SNX7: variants seen among roughly 807,000 people sequenced by gnomAD.
SNX7 encodes the protein sorting nexin 7.
A neutral mutation model predicts 48.4 loss-of-function variants in SNX7; 35 were observed. That is an observed-to-expected ratio of 0.72 (90% CI 0.55 to 0.96). The LOEUF is 0.96. Among genes scored for constraint, SNX7 ranks in the 40% least tolerant of loss-of-function variants. The probability of loss-of-function intolerance (pLI) is 0.00; values close to 1 mark genes in which losing one functional copy is unlikely to be tolerated. For missense variants in SNX7, 553 were observed against 548.9 expected (o/e 1.01, Z -0.07); for synonymous variants, 190 against 190.2 (o/e 1.00, Z 0.01).
At chr1:98,661,552 A>C, upstream of SNX7, 1 of 420,258 alleles carries the variant, frequency 2.4e-6, no homozygotes, top group Non-Finnish European at 3.7e-6. Flanking sequence ...GCCCCAGGCC[A>C]GGTGGGGATG....
intron 4 of SNX7, among the ~76,000 whole-genome samples, chr1:98,693,199 T>TGGAC (rs1030658632): frequency 2.4e-5 from 3 of 126,766 alleles, no homozygotes; most frequent in African/African-American, 8.4e-5. Flanking sequence ...GATGGATGGA[T>TGGAC]GGACGGACAG....
intron 8 of SNX7, among the ~76,000 whole-genome samples, chr1:98,757,150 C>T (rs1265100860): frequency 1.3e-5 from 2 of 152,148 alleles, no homozygotes; most frequent in African/African-American, 4.8e-5. Context: ...ATGCTGGCAG[C>T]AGCTTCCTAT....
chr1:98,748,617 G>A (rs1654422766), intron 8 of SNX7, among the ~76,000 whole-genome samples: 1 of 141,616 alleles, frequency 7.1e-6, no homozygotes, highest in Non-Finnish European at 1.5e-5. Flanking sequence ...TTTCTGTATA[G>A]AAAAGGAAGA....
intron 1 of SNX7, among the ~76,000 whole-genome samples, chr1:98,674,308 C>A (rs931342481): frequency 6.6e-6 from 1 of 152,112 alleles, no homozygotes; most frequent in Non-Finnish European, 1.5e-5. Flanking sequence ...TATTGACTCA[C>A]GGTTCTGGAG....
chr1:98,741,019 A>C lies in SNX7; in HGVS notation c.1278+2630A>C, dbSNP rs558023570. On this transcript the variant is annotated intron_variant, in intron 8 of 8. Transcript: ENST00000306121. ...CCTTAAATGATCAGGGATTCTTAGC[A>C]GAAAGATTAAGGCCTAAACAGCAAC... is the stretch of plus-strand genomic sequence containing the variant. Among the ~76,000 whole-genome samples the C allele has an allele frequency of 5.9e-5, 9 of 152,300 alleles. 1 individual carries two copies. The South Asian group carries it at 1.7e-3, about 28-fold the overall frequency.
At chr1:98,720,642 T>TAATTA (rs1652817297) in intron 7 of SNX7, among the ~76,000 whole-genome samples, 1 of 152,086 alleles carries the variant, frequency 6.6e-6, no homozygotes, top group African/African-American at 2.4e-5. Context: ...TTGAATTAAT[T>TAATTA]AAAATTAAAC....
chr1:98,733,426 A>G (rs1181514189), intron 7 of SNX7, among the ~76,000 whole-genome samples: 2 of 151,878 alleles, frequency 1.3e-5, no homozygotes, highest in Non-Finnish European at 2.9e-5. Context: ...CAGCGCCTCC[A>G]CTTGTCCTCT....
chr1:98,711,024 G>A (rs942860569), intron 7 of SNX7, among the ~76,000 whole-genome samples: 2 of 152,026 alleles, frequency 1.3e-5, no homozygotes, highest in African/African-American at 4.8e-5. Flanking sequence ...AGTATAAATA[G>A]TTATTATTTT....
intron 8 of SNX7, among the ~76,000 whole-genome samples, chr1:98,745,694 C>T (rs761025821): frequency 1.3e-5 from 2 of 152,032 alleles, no homozygotes; most frequent in Non-Finnish European, 2.9e-5. Context: ...TTTTCCAATT[C>T]GTTACATCCT....
chr1:98,723,544 T>G (rs1382415426), intron 7 of SNX7, among the ~76,000 whole-genome samples: 1 of 152,160 alleles, frequency 6.6e-6, no homozygotes, highest in Non-Finnish European at 1.5e-5. Flanking sequence ...TTTTTAATTT[T>G]AATAATTTAT....
In SNX7 at chr1:98,701,868, G is replaced by A. The variant is rs1196807278; in HGVS notation, c.1090G>A (p.Glu364Lys). 1 of 1,611,350 alleles carries A rather than the reference G, an allele frequency of 6.2e-7. No homozygotes were observed. Among genetic ancestry groups the A allele is most frequent in the Admixed American group, 1.7e-5 (1 of 59,742 alleles). The change falls in exon 7 of 9, where the codon GAA becomes AAA. Residue 364 changes from glutamate (E) to lysine (K), a missense_variant. Coordinates refer to ENST00000306121, the MANE Select transcript of SNX7 (RefSeq NM_015976.5). ...QIQAELDSKV[E>K]VLTYKKADTD... ...ACAAGCAGAACTGGATTCCAAAGTT[G>A]AAGTTTTGACCTATAAAAAGGCAGA...
intron 2 of SNX7, 115 bp from the exon 3 acceptor site, chr1:98,690,960 A>G (rs954676929): frequency 4.5e-5 from 24 of 531,094 alleles, no homozygotes; most frequent in Non-Finnish European, 5.9e-5. Flanking sequence ...CTGAATAATT[A>G]GGATGTGTTA....
At chr1:98,749,842 C>T (rs965287982) in intron 8 of SNX7, among the ~76,000 whole-genome samples, 2 of 151,988 alleles carry the variant, frequency 1.3e-5, no homozygotes, top group African/African-American at 2.4e-5. Context: ...GAAATGATTG[C>T]GAATTTGGGC....
intron 7 of SNX7, among the ~76,000 whole-genome samples, chr1:98,710,725 G>T (rs911048647): frequency 3.3e-5 from 5 of 152,086 alleles, no homozygotes; most frequent in Non-Finnish European, 7.4e-5. Context: ...TTCACTCCTG[G>T]CCCTGCCTGG....
At chr1:98,679,384 A>C (rs1358650227) in intron 1 of SNX7, among the ~76,000 whole-genome samples, 21 of 152,180 alleles carry the variant, frequency 1.4e-4, no homozygotes. Context: ...GAGTGGGGAC[A>C]CAGCCAAACC....
intron 7 of SNX7, among the ~76,000 whole-genome samples, chr1:98,702,412 A>G (rs1651799290): frequency 6.6e-6 from 1 of 152,164 alleles, no homozygotes; most frequent in Non-Finnish European, 1.5e-5. Flanking sequence ...CTAATAATAC[A>G]ATGAGCTCTC....
chr1:98,687,252 G>T (rs934174072), intron 2 of SNX7, among the ~76,000 whole-genome samples: 3 of 151,934 alleles, frequency 2.0e-5, no homozygotes, highest in African/African-American at 7.3e-5. Flanking sequence ...TAGCTGAGCT[G>T]GGATTTAAAT....
At chr1:98,720,948 T>G (rs1346903201) in intron 7 of SNX7, among the ~76,000 whole-genome samples, 1 of 152,100 alleles carries the variant, frequency 6.6e-6, no homozygotes. Context: ...TTCACCTGAT[T>G]AAAACTACAG....
intron 7 of SNX7, among the ~76,000 whole-genome samples, chr1:98,720,497 CT>C: frequency 6.6e-6 from 1 of 152,082 alleles, no homozygotes; most frequent in East Asian, 1.9e-4. Flanking sequence ...TTAAAGGATA[CT>C]TTTTTGAGTG....
Sources: allele counts gnomAD v4.1 joint callset (sites outside exome capture counted in the v4.1 genomes callset), GRCh38; gene constraint gnomAD v4.1.1; transcripts MANE v1.5; gene names NCBI Gene and HGNC (gene_info 2026-07-23, HGNC 2026-07-21).